The following GRIA4 variants were observed in gnomAD, a reference collection of about 807,000 sequenced individuals.
The protein encoded by GRIA4 is glutamate receptor 4.
A neutral mutation model predicts 104.0 loss-of-function variants in GRIA4; 34 were observed. The ratio of observed to expected loss-of-function variants is 0.33; its 90% CI spans 0.25 to 0.44. The LOEUF (loss-of-function observed/expected upper bound fraction) is 0.44. Ranked by LOEUF, GRIA4 falls within the 20% of genes least tolerant of loss-of-function variation. The pLI is 1.00. For synonymous variants in GRIA4, 386 were observed against 381.9 expected, an observed-to-expected ratio of 1.01 and a Z score of -0.13; for missense variants, 750 against 1,096.5, an observed-to-expected ratio of 0.68 and a Z score of 4.46.
At chr11:105,658,562 G>A (rs1411754317) in intron 3 of GRIA4, among the ~76,000 whole-genome samples, 2 of 151,732 alleles carry the variant, frequency 1.3e-5, no homozygotes, top group African/African-American at 4.8e-5. Flanking sequence ...CCAAATATAA[G>A]TAATATCATA....
intron 3 of GRIA4, among the ~76,000 whole-genome samples, chr11:105,677,538 CATCT>C (rs1415169285): frequency 7.9e-5 from 12 of 151,770 alleles, no homozygotes; most frequent in African/African-American, 2.9e-4. Context: ...GTAGTTTATT[CATCT>C]ATCTCCTACC....
intron 3 of GRIA4, among the ~76,000 whole-genome samples, chr11:105,617,313 T>G (rs1448362156): frequency 6.6e-6 from 1 of 151,574 alleles, no homozygotes; most frequent in Non-Finnish European, 1.5e-5. Flanking sequence ...CAAGCTAATC[T>G]TACAGTGAGA....
chr11:105,646,886 C>T (rs781090426), intron 3 of GRIA4, among the ~76,000 whole-genome samples: 9 of 152,048 alleles, frequency 5.9e-5, no homozygotes, highest in Admixed American at 2.0e-4. Flanking sequence ...GCTCCAGTGA[C>T]GATTTCATGA....
intron 4 of GRIA4, among the ~76,000 whole-genome samples, chr11:105,788,535 A>G (rs1942074682): frequency 6.6e-6 from 1 of 152,226 alleles, no homozygotes; most frequent in East Asian, 1.9e-4. Context: ...TATATAGTAC[A>G]TATACAACAT....
At chr11:105,685,700 T>C (rs1952857729) in intron 3 of GRIA4, among the ~76,000 whole-genome samples, 1 of 152,134 alleles carries the variant, frequency 6.6e-6, no homozygotes, top group African/African-American at 2.4e-5. Flanking sequence ...GGACATTCTA[T>C]GAGAAGAGAA....
At chr11:105,707,010 G>A (rs1367542823) in intron 3 of GRIA4, 2 of 152,214 alleles carry the variant, frequency 1.3e-5, no homozygotes, top group Non-Finnish European at 2.9e-5. Flanking sequence ...CCAGTTCGTT[G>A]TACTTGCCCT....
chr11:105,692,723 C>T (rs1953133534), intron 3 of GRIA4, among the ~76,000 whole-genome samples: 2 of 152,122 alleles, frequency 1.3e-5, no homozygotes, highest in South Asian at 2.1e-4. Flanking sequence ...GTGCGTGAAT[C>T]GCAATCAGGC....
At chr11:105,639,902 A>G (rs1305664299) in intron 3 of GRIA4, among the ~76,000 whole-genome samples, 1 of 151,938 alleles carries the variant, frequency 6.6e-6, no homozygotes, top group Admixed American at 6.6e-5. Flanking sequence ...TACAGATTAC[A>G]TCTTAATTTC....
intron 5 of GRIA4, among the ~76,000 whole-genome samples, chr11:105,874,944 T>TA (rs1453253687): frequency 2.0e-5 from 3 of 152,172 alleles, no homozygotes; most frequent in Non-Finnish European, 4.4e-5. Flanking sequence ...GAACTTCCAA[T>TA]AATGTGTTGA....
At chr11:105,971,594 T>C (rs1377172628) in intron 14 of GRIA4, among the ~76,000 whole-genome samples, 1 of 152,206 alleles carries the variant, frequency 6.6e-6, no homozygotes, top group Non-Finnish European at 1.5e-5. Flanking sequence ...AAAAGAAGCT[T>C]CTGGATTTTG....
chr11:105,674,732 CT>C (rs765329904), intron 3 of GRIA4, among the ~76,000 whole-genome samples: 1 of 151,886 alleles, frequency 6.6e-6, no homozygotes, highest in Non-Finnish European at 1.5e-5. Flanking sequence ...GGAAAACCTA[CT>C]TCCCAAGGTT....
At chr11:105,793,984 G>C (rs1392089333) in intron 4 of GRIA4, among the ~76,000 whole-genome samples, 4 of 152,098 alleles carry the variant, frequency 2.6e-5, no homozygotes, top group Admixed American at 2.6e-4. Flanking sequence ...ATCTTGAAGA[G>C]TTAGTATTTA....
intron 6 of GRIA4, among the ~76,000 whole-genome samples, chr11:105,894,857 T>C (rs1946591747): frequency 9.8e-6 from 1 of 101,962 alleles, no homozygotes; most frequent in African/African-American, 3.6e-5. Flanking sequence ...CGGACTGCAG[T>C]GGCGCAATCT....
intron 3 of GRIA4, among the ~76,000 whole-genome samples, chr11:105,636,502 C>T (rs1341809669): frequency 6.6e-6 from 1 of 152,140 alleles, no homozygotes; most frequent in Admixed American, 6.5e-5. Context: ...TTATCATTTT[C>T]TTTTCTCCAT....
chr11:105,649,259 A>G (rs1473752052), intron 3 of GRIA4, among the ~76,000 whole-genome samples: 1 of 152,220 alleles, frequency 6.6e-6, no homozygotes, highest in African/African-American at 2.4e-5. Flanking sequence ...TAATAAAGGT[A>G]TAATATATTT....
chr11:105,979,141 C>T (rs906656968), intron 16 of GRIA4, among the ~76,000 whole-genome samples: 3 of 152,074 alleles, frequency 2.0e-5, no homozygotes, highest in African/African-American at 7.2e-5. Context: ...CTATACATAT[C>T]GTTTGTTTAG....
At chr11:105,764,779 T>C (rs916481609) in intron 4 of GRIA4, among the ~76,000 whole-genome samples, 1 of 149,540 alleles carries the variant, frequency 6.7e-6, no homozygotes, top group Non-Finnish European at 1.5e-5. Context: ...AGGCAGGTAG[T>C]TTATAAAAAT....
intron 3 of GRIA4, among the ~76,000 whole-genome samples, chr11:105,710,398 A>C (rs940292823): frequency 1.3e-5 from 2 of 152,098 alleles, no homozygotes; most frequent in African/African-American, 4.8e-5. Context: ...CTCACATTAC[A>C]TTGTCAGAAA....
chr11:105,975,686 G>A (rs1487176791), intron 16 of GRIA4, among the ~76,000 whole-genome samples: 24 of 152,010 alleles, frequency 1.6e-4, no homozygotes, highest in Admixed American at 1.5e-3. Flanking sequence ...GGTACTTGAT[G>A]TACCCTAGAG....
Sources: allele counts gnomAD v4.1 joint callset (sites outside exome capture counted in the v4.1 genomes callset), GRCh38; gene constraint gnomAD v4.1.1; transcripts MANE v1.5; gene names NCBI Gene and HGNC (gene_info 2026-07-23, HGNC 2026-07-21).